The following SLC35F1 variants were observed in gnomAD, a reference collection of about 807,000 sequenced individuals.
SLC35F1 encodes the protein chromosome 6 open reading frame 169.
A neutral mutation model predicts 48.7 loss-of-function variants in SLC35F1; 14 were observed. The observed-to-expected ratio is 0.29, with a 90% CI of 0.19 to 0.45. SLC35F1 has a LOEUF of 0.45. Ranked by LOEUF, SLC35F1 falls within the 20% of genes least tolerant of loss-of-function variation. The pLI is 1.00. For synonymous variants in SLC35F1, 190 were observed against 202.2 expected (o/e 0.94, Z 0.51); for missense variants, 404 against 500.0 (o/e 0.81, Z 1.83).
intron 1 of SLC35F1, among the ~76,000 whole-genome samples, chr6:118,076,678 A>C (rs572521806): frequency 3.0e-4 from 46 of 152,314 alleles, no homozygotes; most frequent in African/African-American, 1.1e-3. Flanking sequence ...TTACAATTTG[A>C]CATGAGATTT....
chr6:118,097,167 A>G (rs1279923022), intron 1 of SLC35F1, among the ~76,000 whole-genome samples: 1 of 151,178 alleles, frequency 6.6e-6, no homozygotes, highest in African/African-American at 2.4e-5. Context: ...ATAAGGCCAC[A>G]TTCTGAAAAC....
rs975533157 is a variant in SLC35F1, at chr6:118,314,359, G to A, written c.*107G>A. ...TATTTACTAGGTGCAGTTTACACAG[G>A]TGGACTGCAAGGTAGCAAATCCTCC... On this transcript the variant is annotated 3_prime_UTR_variant, in exon 8 of 8. Transcript: ENST00000360388. 4 of 963,110 alleles carry A rather than the reference G, an allele frequency of 4.2e-6. No individual in the cohort carries two copies. Among genetic ancestry groups the A allele is most frequent in the South Asian group, 1.5e-5 (1 of 64,984 alleles). 59.7% of individuals were successfully genotyped at this position (963,110 alleles called of 1,614,324 possible).
At chr6:118,250,251 G>T (rs281871) in intron 3 of SLC35F1, among the ~76,000 whole-genome samples, 4,012 of 152,180 alleles carry the variant, frequency 0.026, 110 homozygotes, top group African/African-American at 0.061. Context: ...TATCACCACT[G>T]ACGTAACTAA....
At chr6:118,097,754 A>G (rs1004364787) in intron 1 of SLC35F1, among the ~76,000 whole-genome samples, 1 of 152,238 alleles carries the variant, frequency 6.6e-6, no homozygotes, top group Non-Finnish European at 1.5e-5. Flanking sequence ...CCAGTTAAAC[A>G]AAGTACTATC....
At chr6:118,239,283 T>C (rs1387666495) in intron 3 of SLC35F1, among the ~76,000 whole-genome samples, 1 of 150,194 alleles carries the variant, frequency 6.7e-6, no homozygotes, top group African/African-American at 2.5e-5. Context: ...ATTGTATACA[T>C]TGATTTCCAG....
chr6:118,129,193 G>A lies in SLC35F1; in HGVS notation c.174-25252G>A, dbSNP rs1222666681. Among the ~76,000 whole-genome samples, 5 of 152,158 alleles carry A rather than the reference G, an allele frequency of 3.3e-5. 1 individual carries two copies. The highest frequency in any genetic ancestry group is 2.9e-5 in the Non-Finnish European group (2 of 68,032). ...AATCAAGTAATTATGGATTGAGATT[G>A]GGCCTTAGAGGAAATCAATGAAAGC... On this transcript the variant is annotated intron_variant, in intron 1 of 7. Coordinates refer to ENST00000360388, the MANE Select transcript of SLC35F1 (RefSeq NM_001029858.4).
At chr6:118,307,226 C>T (rs1336002901) in intron 7 of SLC35F1, among the ~76,000 whole-genome samples, 2 of 152,102 alleles carry the variant, frequency 1.3e-5, no homozygotes, top group Non-Finnish European at 2.9e-5. Context: ...TTATTTTTGT[C>T]TTGATTAAAT....
chr6:118,137,967 C>T (rs542922927), intron 1 of SLC35F1, among the ~76,000 whole-genome samples: 10 of 152,240 alleles, frequency 6.6e-5, no homozygotes, highest in African/African-American at 2.4e-4. Context: ...CTTTAGCCCC[C>T]TCAGTTTCCC....
At chr6:117,951,124 T>A (rs1342308938) in intron 1 of SLC35F1, among the ~76,000 whole-genome samples, 1 of 152,194 alleles carries the variant, frequency 6.6e-6, no homozygotes, top group Non-Finnish European at 1.5e-5. Flanking sequence ...GAATGCAATC[T>A]ATGAAAAAGA....
intron 1 of SLC35F1, among the ~76,000 whole-genome samples, chr6:118,019,559 G>A (rs933641326): frequency 6.6e-6 from 1 of 151,986 alleles, no homozygotes; most frequent in African/African-American, 2.4e-5. Context: ...GAGGCAGAGG[G>A]TGCAGTGAGC....
chr6:118,178,408 T>A (rs546134288), intron 2 of SLC35F1, among the ~76,000 whole-genome samples: 1 of 152,282 alleles, frequency 6.6e-6, no homozygotes, highest in East Asian at 1.9e-4. Context: ...TCAATGCAGC[T>A]GACCATCTTA....
At chr6:118,059,970 G>A (rs1329056168) in intron 1 of SLC35F1, among the ~76,000 whole-genome samples, 2 of 152,162 alleles carry the variant, frequency 1.3e-5, no homozygotes, top group African/African-American at 4.8e-5. Context: ...TTAGAAATAA[G>A]CATGGTTTGT....
At chr6:118,040,290 A>C (rs1319061176) in intron 1 of SLC35F1, among the ~76,000 whole-genome samples, 4 of 152,166 alleles carry the variant, frequency 2.6e-5, no homozygotes, top group African/African-American at 9.7e-5. Flanking sequence ...AAGGTACAAG[A>C]GGAAAATATA....
chr6:118,286,592 A>G (rs982085932), intron 7 of SLC35F1, among the ~76,000 whole-genome samples: 2 of 152,200 alleles, frequency 1.3e-5, no homozygotes, highest in African/African-American at 4.8e-5. Context: ...TGGCTGTGAC[A>G]GCAGACAGGA....
intron 2 of SLC35F1, among the ~76,000 whole-genome samples, chr6:118,234,172 G>C (rs1470081926): frequency 6.6e-6 from 1 of 152,180 alleles, no homozygotes; most frequent in Non-Finnish European, 1.5e-5. Context: ...GACTAAAGAT[G>C]TGTGTCACTG....
chr6:117,988,298 G>T (rs529297687), intron 1 of SLC35F1, among the ~76,000 whole-genome samples: 1 of 152,246 alleles, frequency 6.6e-6, no homozygotes, highest in East Asian at 1.9e-4. Context: ...CAAGATGGTG[G>T]ACTTTCTGCT....
At chr6:118,199,593 T>C (rs1411102467) in intron 2 of SLC35F1, among the ~76,000 whole-genome samples, 1 of 152,212 alleles carries the variant, frequency 6.6e-6, no homozygotes, top group East Asian at 1.9e-4. Context: ...GAACAACCAG[T>C]TCAAAAATGA....
chr6:118,276,264 A>G (rs1257310749), intron 5 of SLC35F1, among the ~76,000 whole-genome samples: 1 of 152,126 alleles, frequency 6.6e-6, no homozygotes, highest in Non-Finnish European at 1.5e-5. Flanking sequence ...AATCAAAGCA[A>G]TTTTCCACCA....
intron 1 of SLC35F1, among the ~76,000 whole-genome samples, chr6:118,074,951 A>T (rs1279554693): frequency 2.6e-5 from 4 of 152,204 alleles, no homozygotes; most frequent in Non-Finnish European, 5.9e-5. Flanking sequence ...GTCGAGACAC[A>T]TAGATTTAAA....
Sources: gnomAD v4.1 joint callset for allele counts (sites outside exome capture counted in the v4.1 genomes callset) on GRCh38, gnomAD v4.1.1 for gene constraint, MANE v1.5 for transcripts, NCBI Gene and HGNC (gene_info 2026-07-23, HGNC 2026-07-21) for gene names.